Variants in CPE observed in about 807,000 individuals in gnomAD.
CPE encodes the protein carboxypeptidase E, also known as carbocypeptidase E.
In CPE, 17 loss-of-function variants were observed where a neutral mutation model predicts 53.5. The ratio of observed to expected loss-of-function variants is 0.32; its 90% CI spans 0.22 to 0.48. The LOEUF (loss-of-function observed/expected upper bound fraction) is 0.48. Among genes scored for constraint, CPE ranks in the 20% least tolerant of loss-of-function variants. The probability of loss-of-function intolerance (pLI) is 0.99; values close to 1 mark genes in which losing one functional copy is unlikely to be tolerated. For synonymous variants in CPE, 226 were observed against 228.8 expected (o/e 0.99, Z 0.11); for missense variants, 524 against 614.7 (o/e 0.85, Z 1.56).
rs935727209 is a variant in CPE at position 165,498,204 on chromosome 4, G to A, written c.*594G>A. On this transcript the variant is annotated 3_prime_UTR_variant, in exon 9 of 9. Coordinates refer to ENST00000402744, the MANE Select transcript of CPE (RefSeq NM_001873.4). ...TGACTTCTTGCTTGTACATATAGGA[G>A]CAATACTATTATATTATGTAGTCCG... The A allele has an allele frequency of 2.0e-5, 3 of 152,074 alleles. No homozygotes were observed. The highest frequency in any genetic ancestry group is 4.4e-5 in the Non-Finnish European group (3 of 68,028). 9.4% of individuals were successfully genotyped at this position (152,074 alleles called of 1,614,324 possible).
chr4:165,495,793 A>G, intron 8 of CPE, 116 bp downstream of exon 8: 1 of 597,918 alleles, frequency 1.7e-6, no homozygotes, highest in Non-Finnish European at 2.7e-6. Flanking sequence ...GGTAGGCAAC[A>G]TTGTTATCTC....
In CPE at chr4:165,467,780, C is replaced by T. The variant is rs932030601; in HGVS notation, c.597C>T (p.Tyr199=). Residue 199 remains tyrosine (Y), a synonymous_variant, in exon 3 of 9, where the codon TAC becomes TAT. Coordinates refer to ENST00000402744, the MANE Select transcript of CPE (RefSeq NM_001873.4). The part of the protein sequence containing the change: ...RNFPDLDRIV[Y]VNEKEGGPNN... Reference sequence around the variant, plus strand: ...TTCCAGACCTGGATAGGATAGTGTACGTGAATGAGAAAGAAGGTGGTCCAA... The same window carrying T: ...TTCCAGACCTGGATAGGATAGTGTATGTGAATGAGAAAGAAGGTGGTCCAA... 8.7e-6 allele frequency: 14 copies of T among 1,612,886 alleles called. No homozygotes were observed. The highest frequency in any genetic ancestry group is 3.3e-4 in the Middle Eastern group (2 of 6,062).
intron 1 of CPE, among the ~76,000 whole-genome samples, chr4:165,461,175 A>AAAAAAAAAG (rs1731994165): frequency 8.2e-6 from 1 of 122,574 alleles, no homozygotes; most frequent in African/African-American, 3.2e-5. Context: ...TCAAAAAAAA[A>AAAAAAAAAG]AAAAAAAAAA....
chr4:165,434,274 G>A (rs542223013), intron 1 of CPE, among the ~76,000 whole-genome samples: 1 of 152,238 alleles, frequency 6.6e-6, no homozygotes, highest in African/African-American at 2.4e-5. Context: ...GCTTTGTATA[G>A]TGGGCACTTA....
intron 8 of CPE, among the ~76,000 whole-genome samples, chr4:165,497,221 G>A (rs1214584794): frequency 6.6e-6 from 1 of 152,130 alleles, no homozygotes; most frequent in Non-Finnish European, 1.5e-5. Flanking sequence ...CGCCTGGCCA[G>A]TTACATCTTT....
At chr4:165,468,027 C>G (rs563869512) in intron 3 of CPE, among the ~76,000 whole-genome samples, 172 bp downstream of exon 3, 244 of 152,124 alleles carry the variant, frequency 1.6e-3, no homozygotes, top group Non-Finnish European at 2.6e-3. Flanking sequence ...TGTCCTGGCC[C>G]CTAGAATTGG....
At chr4:165,470,880 G>A (rs1732193713) in intron 3 of CPE, among the ~76,000 whole-genome samples, 1 of 152,114 alleles carries the variant, frequency 6.6e-6, no homozygotes, top group South Asian at 2.1e-4. Context: ...CCATGGGTTG[G>A]TAAAAACAGT....
chr4:165,417,139 A>C (rs10004552), intron 1 of CPE, among the ~76,000 whole-genome samples: 1 of 151,852 alleles, frequency 6.6e-6, no homozygotes, highest in East Asian at 1.9e-4. Flanking sequence ...ATTAGGGGGC[A>C]GAAGAAGGAA....
chr4:165,445,280 C>T (rs549385635), intron 1 of CPE, among the ~76,000 whole-genome samples: 1 of 139,094 alleles, frequency 7.2e-6, no homozygotes, highest in Non-Finnish European at 1.6e-5. Context: ...TTTATTTTCC[C>T]TTTTTTTGTT....
chr4:165,433,623 T>C (rs1012921363), intron 1 of CPE, among the ~76,000 whole-genome samples: 1 of 152,186 alleles, frequency 6.6e-6, no homozygotes. Flanking sequence ...CTGCCATTTA[T>C]AGGAGAAAGC....
chr4:165,380,845 A>G (rs1410333224), intron 1 of CPE, among the ~76,000 whole-genome samples: 1 of 152,214 alleles, frequency 6.6e-6, no homozygotes, highest in Non-Finnish European at 1.5e-5. Context: ...AAAACATTTA[A>G]TATTAACTAC....
At chr4:165,488,720 A>G (rs1168917022) in intron 6 of CPE, among the ~76,000 whole-genome samples, 2 of 152,358 alleles carry the variant, frequency 1.3e-5, no homozygotes, top group Non-Finnish European at 2.9e-5. Context: ...ATAAACATAT[A>G]CATATAAAAT....
At position 165,397,249 on chromosome 4, in the gene CPE, G is replaced by A. The variant is rs1420508622; in HGVS notation, c.307+17721G>A. On this transcript the variant is annotated intron_variant, in intron 1 of 8. Coordinates refer to ENST00000402744, the MANE Select transcript of CPE (RefSeq NM_001873.4). Reference sequence around the variant, plus strand: ...ATTGCTCACCCTTAAATAATGCTTGGTATATGCCAAGTGATGTTTAAAGGC... The same window carrying A: ...ATTGCTCACCCTTAAATAATGCTTGATATATGCCAAGTGATGTTTAAAGGC... Among the ~76,000 whole-genome samples the A allele has an allele frequency of 3.3e-5, 5 of 151,994 alleles. 1 individual carries two copies. The highest frequency in any genetic ancestry group is 1.2e-4 in the African/African-American group (5 of 41,382).
chr4:165,407,133 C>G (rs1031787482), intron 1 of CPE, among the ~76,000 whole-genome samples: 1 of 152,126 alleles, frequency 6.6e-6, no homozygotes, highest in African/African-American at 2.4e-5. Flanking sequence ...GGTCATATTG[C>G]AGTTCTTTGT....
chr4:165,476,470 A>T (rs144112280), intron 3 of CPE, among the ~76,000 whole-genome samples: 153 of 149,614 alleles, frequency 1.0e-3, no homozygotes, highest in African/African-American at 3.6e-3. Context: ...GGAAGGTCAT[A>T]TACCAGTTAA....
intron 1 of CPE, among the ~76,000 whole-genome samples, chr4:165,410,916 G>T (rs987373218): frequency 1.3e-5 from 2 of 152,116 alleles, no homozygotes; most frequent in African/African-American, 4.8e-5. Flanking sequence ...AAGGATCACA[G>T]TCTAGCAGAA....
chr4:165,405,390 G>C, intron 1 of CPE: 2 of 1,037,308 alleles, frequency 1.9e-6, no homozygotes, highest in East Asian at 4.7e-5. Flanking sequence ...CCGAATTTCT[G>C]AGATTCAGAG....
At chr4:165,453,351 C>T (rs1276746398) in intron 1 of CPE, among the ~76,000 whole-genome samples, 1 of 148,930 alleles carries the variant, frequency 6.7e-6, no homozygotes, top group Admixed American at 6.7e-5. Flanking sequence ...TTCCTTCCTT[C>T]CTTTCTCTCT....
chr4:165,456,677 C>T (rs1579270086), intron 1 of CPE, among the ~76,000 whole-genome samples: 1 of 150,400 alleles, frequency 6.6e-6, no homozygotes, highest in East Asian at 2.0e-4. Context: ...AGCGATTCTC[C>T]TGCCTCAGCC....
Sources: allele counts gnomAD v4.1 joint callset (sites outside exome capture counted in the v4.1 genomes callset), GRCh38; gene constraint gnomAD v4.1.1; transcripts MANE v1.5; gene names NCBI Gene and HGNC (gene_info 2026-07-23, HGNC 2026-07-21).